The following WDR91 variants were observed in gnomAD, a reference collection of about 807,000 sequenced individuals.
WDR91 encodes WD repeat-containing protein 91.
Under a neutral mutation model 88.4 loss-of-function variants are expected in WDR91, and 52 were observed. The ratio of observed to expected loss-of-function variants is 0.59; its 90% CI spans 0.47 to 0.74. WDR91 has a LOEUF of 0.74. WDR91 is among the 30% of genes least tolerant of loss of function. The pLI, the probability that WDR91 is intolerant of heterozygous loss-of-function variation, is 0.00. For synonymous variants in WDR91, 362 were observed against 389.5 expected, an observed-to-expected ratio of 0.93 and a Z score of 0.83; for missense variants, 824 against 954.5, an observed-to-expected ratio of 0.86 and a Z score of 1.80.
rs995412898 is a variant in WDR91, at chr7:135,211,435, T to G, written c.68A>C (p.His23Pro). 1 of 1,612,500 alleles carries G rather than the reference T, an allele frequency of 6.2e-7. No individual in the cohort carries two copies. Among genetic ancestry groups the G allele is most frequent in the East Asian group, 2.2e-5 (1 of 44,794 alleles). The change falls in exon 1 of 15, where the codon CAC (histidine) becomes CCC (proline). Residue 23 changes from histidine to proline, a missense_variant. Transcript: ENST00000354475. ...REYLLFRGFTHTLRQLDAEIK... is the reference protein window; with the variant it reads ...REYLLFRGFTPTLRQLDAEIK... ...CTCGGCGTCCAGCTGCCGCAGTGTG[T>G]GCGTGAACCCGCGGAAGAGCAGGTA...
In WDR91 at chr7:135,211,504, G is replaced by T. The variant is rs372052481; in HGVS notation, c.-2C>A. 6.2e-7 allele frequency: 1 copy of T among 1,610,390 alleles called. No homozygotes were observed. The highest frequency in any genetic ancestry group is 1.4e-5 in the African/African-American group (1 of 73,950). On this transcript the variant is annotated 5_prime_UTR_variant, in exon 1 of 15. Transcript: ENST00000354475. ...AGTGCGCTCCACGGCCTCCGCCATC[G>T]CAGCGCTAGCGTCTTTAGGGGTGGT...
At chr7:135,190,448 G>A (rs1348737047) in intron 11 of WDR91, among the ~76,000 whole-genome samples, 1 of 151,854 alleles carries the variant, frequency 6.6e-6, no homozygotes, top group African/African-American at 2.4e-5. Context: ...AATATTCTCA[G>A]AGATACTGGC....
chr7:135,196,463 G>A lies in WDR91; in HGVS notation c.1051-126C>T. 1 of 930,770 alleles carries A rather than the reference G, an allele frequency of 1.1e-6. No homozygotes were observed. The highest frequency in any genetic ancestry group is 3.0e-5 in the East Asian group (1 of 33,394). The allele number at this position is 930,770 out of a possible 1,614,324, so 57.7% of individuals were successfully genotyped here. A position where few individuals can be genotyped will look rare whatever the true frequency, so the allele number is the denominator to read the frequency against. On this transcript the variant is annotated intron_variant, in intron 7 of 14. Transcript: ENST00000354475. The surrounding 1 kb of genome is among the most constrained non-coding windows in gnomAD (Gnocchi z 4.2). ...GTTCTCGGTAATTACAGAGTGGAGA[G>A]GAGAGCTCTGACCTGCGAGGGTAGT...
At position 135,204,251 on chromosome 7, in the gene WDR91, G is replaced by A; in HGVS notation, c.891+17C>T. ...GGCCTTCTTGGCCAGAGTTAGAGAG[G>A]CAGGACTTGTGCTTACCTGACCACC... On this transcript the variant is annotated intron_variant, in intron 6 of 14. Transcript: ENST00000354475. 1 of 1,612,832 alleles carries A rather than the reference G, an allele frequency of 6.2e-7. No individual in the cohort carries two copies. The highest frequency in any genetic ancestry group is 8.5e-7 in the Non-Finnish European group (1 of 1,179,150).
intron 13 of WDR91, 137 bp from the exon 14 acceptor site, chr7:135,187,306 G>T: frequency 1.2e-6 from 1 of 846,812 alleles, no homozygotes; most frequent in Non-Finnish European, 1.8e-6. Flanking sequence ...TGACATCCTT[G>T]AAAAGCCTTT....
At chr7:135,207,350 T>C (rs1831834896) in intron 3 of WDR91, 148 bp from the exon 4 acceptor site, 1 of 671,354 alleles carries the variant, frequency 1.5e-6, no homozygotes. Flanking sequence ...CTTAATGAAA[T>C]AGTCGCTCCC....
At chr7:135,210,839 A>G (rs2117738182) in intron 1 of WDR91, 1 of 703,706 alleles carries the variant, frequency 1.4e-6, no homozygotes, top group African/African-American at 1.7e-5. Flanking sequence ...GAACCTCGCA[A>G]TGGAAAATCA....
In WDR91 at chr7:135,185,615, C is replaced by T. The variant is rs991425950; in HGVS notation, c.*536G>A. On this transcript the variant is annotated 3_prime_UTR_variant, in exon 15 of 15. Coordinates refer to ENST00000354475, the MANE Select transcript of WDR91 (RefSeq NM_014149.4). ...GCCCAGAGAAACAGGAACTGCCAAA[C>T]CTTGTTACCCAGCAGAACAGACAGA... 2 of 152,194 alleles carry T rather than the reference C, an allele frequency of 1.3e-5. No homozygotes were observed. Among genetic ancestry groups the T allele is most frequent in the Non-Finnish European group, 2.9e-5 (2 of 68,066 alleles). The allele number at this position is 152,194 out of a possible 1,614,324, so 9.4% of individuals were successfully genotyped here. A position where few individuals can be genotyped will look rare whatever the true frequency, so the allele number is the denominator to read the frequency against.
intron 10 of WDR91, 21 bp from the exon 11 acceptor site, chr7:135,193,420 G>A (rs1831246069): frequency 1.2e-6 from 2 of 1,612,682 alleles, no homozygotes; most frequent in East Asian, 2.2e-5. Context: ...CATGGGCCTG[G>A]GTCAGACCCT....
rs1170000655 is a variant in WDR91 at position 135,185,504 on chromosome 7, C to CA, written c.*646dup. 3.3e-5 allele frequency: 5 copies of CA among 152,252 alleles called. No individual in the cohort carries two copies. Among genetic ancestry groups the CA allele is most frequent in the Admixed American group, 3.3e-4 (5 of 15,292 alleles). The allele number at this position is 152,252 out of a possible 1,614,324, so 9.4% of individuals were successfully genotyped here. On this transcript the variant is annotated 3_prime_UTR_variant, in exon 15 of 15. Transcript: ENST00000354475. ...AAGGGGCAGCCAGTAGCAGAGGCCT[C>CA]AGCCCCTGCCTTCATCCTGAGAATC...
rs1459987376 is a variant in WDR91 at position 135,196,040 on chromosome 7, G to A, written c.1244+104C>T. 4.2e-6 allele frequency: 5 copies of A among 1,192,056 alleles called. No homozygotes were observed. Among genetic ancestry groups the A allele is most frequent in the Non-Finnish European group, 5.7e-6 (5 of 875,718 alleles). The allele number at this position is 1,192,056 out of a possible 1,614,324, so 73.8% of individuals were successfully genotyped here. A position where few individuals can be genotyped will look rare whatever the true frequency, so the allele number is the denominator to read the frequency against. ...CTCTACTGCCATGACTGTGGCCCTC[G>A]TCCAAGCCCCCATTCTCCGCCATCT... is the stretch of plus-strand genomic sequence containing the variant. On this transcript the variant is annotated intron_variant, in intron 8 of 14. Coordinates refer to ENST00000354475, the MANE Select transcript of WDR91 (RefSeq NM_014149.4). The surrounding 1 kb of genome is among the most constrained non-coding windows in gnomAD (Gnocchi z 4.2).
intron 4 of WDR91, among the ~76,000 whole-genome samples, chr7:135,206,643 T>G (rs1831796277): frequency 6.6e-6 from 1 of 152,086 alleles, no homozygotes; most frequent in African/African-American, 2.4e-5. Context: ...TATTGTTTTA[T>G]CAAACTAGAG....
At chr7:135,210,699 TA>T (rs1831982866) in intron 1 of WDR91, 7 of 689,950 alleles carry the variant, frequency 1.0e-5, no homozygotes, top group Non-Finnish European at 1.9e-5. Context: ...TGCCACTAAG[TA>T]GCCACTAACT....
chr7:135,192,492 GGGGTGGAGGTCAAGAATTCGA>G (rs1053756915), intron 11 of WDR91, among the ~76,000 whole-genome samples: 2 of 152,226 alleles, frequency 1.3e-5, no homozygotes, highest in Non-Finnish European at 2.9e-5. Flanking sequence ...GATGTGGCAA[GGGGTGGAGGTCAAGAATTCGA>G]GTGTGACCCT....
intron 11 of WDR91, among the ~76,000 whole-genome samples, chr7:135,191,661 C>T (rs538324786): frequency 2.0e-5 from 3 of 147,950 alleles, no homozygotes; most frequent in South Asian, 4.3e-4. Flanking sequence ...AAGACAGGTT[C>T]TCTCTGGAAG....
At position 135,196,133 on chromosome 7, in the gene WDR91, G is replaced by A. The variant is rs1199464529; in HGVS notation, c.1244+11C>T. On this transcript the variant is annotated intron_variant, in intron 8 of 14. Transcript: ENST00000354475. The surrounding 1 kb of genome is among the most constrained non-coding windows in gnomAD (Gnocchi z 4.2). Reference sequence around the variant, plus strand: ...CTTCCCAGGGTTTCCTTGGCCCCAGGCCCAACCCACCTGCAGTGCATGATG... The same window carrying A: ...CTTCCCAGGGTTTCCTTGGCCCCAGACCCAACCCACCTGCAGTGCATGATG... 6.7e-7 allele frequency: 1 copy of A among 1,486,964 alleles called. No homozygotes were observed. Among genetic ancestry groups the A allele is most frequent in the Non-Finnish European group, 9.0e-7 (1 of 1,111,864 alleles). The allele number at this position is 1,486,964 out of a possible 1,614,324, so 92.1% of individuals were successfully genotyped here. A position where few individuals can be genotyped will look rare whatever the true frequency, so the allele number is the denominator to read the frequency against.
In WDR91 at chr7:135,193,306, T is replaced by C; in HGVS notation, c.1584A>G (p.Pro528=). Residue 528 remains proline (P), a synonymous_variant, in exon 11 of 15, where the codon CCA becomes CCG. Coordinates refer to ENST00000354475, the MANE Select transcript of WDR91 (RefSeq NM_014149.4). ...SLTSQVDFSA[P]DIGSKGMNQV... ...GGTTCATGCCCTTGCTGCCGATGTC[T>C]GGTGCTGAGAAGTCCACCTGGGAAG... The C allele has an allele frequency of 5.6e-6, 9 of 1,614,226 alleles. No individual in the cohort carries two copies. Among genetic ancestry groups the C allele is most frequent in the Non-Finnish European group, 7.6e-6 (9 of 1,180,048 alleles).
chr7:135,193,094 C>T, intron 11 of WDR91, 137 bp downstream of exon 11: 1 of 1,284,264 alleles, frequency 7.8e-7, no homozygotes, highest in Non-Finnish European at 1.1e-6. Flanking sequence ...AGTTGGAGTA[C>T]ACTACTTTTC....
chr7:135,209,781 G>A (rs1267906108), intron 1 of WDR91, 26 bp from the exon 2 acceptor site: 2 of 1,546,392 alleles, frequency 1.3e-6, no homozygotes, highest in Non-Finnish European at 8.8e-7. Context: ...GATGGAGAAG[G>A]TGGTAAGGGA....
Sources: gnomAD v4.1 joint callset for allele counts (sites outside exome capture counted in the v4.1 genomes callset) on GRCh38, gnomAD v4.1.1 for gene constraint, Gnocchi (gnomAD v3.1) non-coding constraint, MANE v1.5 for transcripts, NCBI Gene and HGNC (gene_info 2026-07-23, HGNC 2026-07-21) for gene names.